The following ATP8B1 variants were observed in gnomAD, a reference collection of about 807,000 sequenced individuals.
ATP8B1 encodes ATPase phospholipid transporting 8B1.
ATP8B1 carries 80 observed loss-of-function variants against 149.9 expected under a neutral mutation model. The ratio of observed to expected loss-of-function variants is 0.53; its 90% CI spans 0.45 to 0.64. The LOEUF (loss-of-function observed/expected upper bound fraction) is 0.64, where lower values mean the gene tolerates loss of function less well. Ranked by LOEUF, ATP8B1 falls within the 30% of genes least tolerant of loss-of-function variation. The pLI, the probability that ATP8B1 is intolerant of heterozygous loss-of-function variation, is 0.00. For synonymous variants in ATP8B1, 536 were observed against 562.8 expected, an observed-to-expected ratio of 0.95 and a Z score of 0.67; for missense variants, 1,247 against 1,552.6, an observed-to-expected ratio of 0.80 and a Z score of 3.31.
At chr18:57,733,633 G>A (rs2079813256) in intron 1 of ATP8B1, among the ~76,000 whole-genome samples, 1 of 148,228 alleles carries the variant, frequency 6.7e-6, no homozygotes, top group Non-Finnish European at 1.5e-5. Context: ...GTGAACCCGG[G>A]AGGCGGAGCT....
intron 12 of ATP8B1, among the ~76,000 whole-genome samples, chr18:57,691,011 T>G (rs1912499696): frequency 6.6e-6 from 1 of 151,804 alleles, no homozygotes; most frequent in Non-Finnish European, 1.5e-5. Context: ...CTGTCTCTAC[T>G]AAAAATACAA....
At position 57,701,156 on chromosome 18, in the gene ATP8B1, C is replaced by G; in HGVS notation, c.493-56G>C. On this transcript the variant is annotated intron_variant, in intron 5 of 27. Transcript: ENST00000648908. ...TAAACATCTCAATAGAGAAGGAAGG[C>G]ACGAGAACTTAAAGTCAACTCAAAG... is the stretch of plus-strand genomic sequence containing the variant. The G allele has an allele frequency of 6.2e-7, 1 of 1,611,640 alleles. No individual in the cohort carries two copies. The highest frequency in any genetic ancestry group is 1.3e-5 in the African/African-American group (1 of 74,936).
chr18:57,739,440 TA>T (rs1255759368), intron 1 of ATP8B1, among the ~76,000 whole-genome samples: 2 of 152,226 alleles, frequency 1.3e-5, no homozygotes, highest in African/African-American at 4.8e-5. Context: ...TCATGATTTG[TA>T]AACATGCATT....
chr18:57,696,356 C>T (rs1321766570), intron 8 of ATP8B1, among the ~76,000 whole-genome samples: 1 of 152,140 alleles, frequency 6.6e-6, no homozygotes, highest in Non-Finnish European at 1.5e-5. Context: ...GAGTTTGAGA[C>T]CAACCTGACA....
intron 1 of ATP8B1, among the ~76,000 whole-genome samples, chr18:57,756,291 G>GTGTATATATATATATATATATATA (rs2080080739): frequency 3.7e-5 from 1 of 27,182 alleles, no homozygotes; most frequent in African/African-American, 2.0e-4. Flanking sequence ...ATATATATGT[G>GTGTATATATATATATATATATATA]TGTGTGTATG....
intron 2 of ATP8B1, among the ~76,000 whole-genome samples, chr18:57,727,102 TAAAAAG>T: frequency 6.6e-6 from 1 of 151,956 alleles, no homozygotes; most frequent in African/African-American, 2.4e-5. Context: ...AACAAATAAA[TAAAAAG>T]AATAAAATAA....
At chr18:57,670,956 G>A (rs1303109104) in intron 17 of ATP8B1, among the ~76,000 whole-genome samples, 3 of 152,006 alleles carry the variant, frequency 2.0e-5, no homozygotes, top group Non-Finnish European at 2.9e-5. Flanking sequence ...TGATACACCC[G>A]CCTTGGCCTC....
chr18:57,723,085 G>A (rs2079664526), intron 2 of ATP8B1, among the ~76,000 whole-genome samples: 1 of 151,520 alleles, frequency 6.6e-6, no homozygotes, highest in Non-Finnish European at 1.5e-5. Context: ...ATTAGGTATT[G>A]ATGGGACGTA....
chr18:57,672,954 C>A (rs1260864324), intron 16 of ATP8B1, among the ~76,000 whole-genome samples: 2 of 28,628 alleles, frequency 7.0e-5, no homozygotes, highest in Non-Finnish European at 1.3e-4. Flanking sequence ...CACATATATA[C>A]ATACATATAT....
intron 22 of ATP8B1, among the ~76,000 whole-genome samples, chr18:57,658,111 A>C (rs1910133876): frequency 6.6e-6 from 1 of 150,612 alleles, no homozygotes; most frequent in African/African-American, 2.4e-5. Flanking sequence ...CAGTGGTGCG[A>C]TCTTGGCTCA....
At chr18:57,678,512 G>A (rs141973205) in intron 15 of ATP8B1, among the ~76,000 whole-genome samples, 226 of 149,562 alleles carry the variant, frequency 1.5e-3, no homozygotes, top group African/African-American at 5.4e-3. Flanking sequence ...GCATAAACCC[G>A]GGAGGCAGAG....
At chr18:57,706,700 A>C in intron 2 of ATP8B1, 113 bp from the exon 3 acceptor site, 2 of 861,618 alleles carry the variant, frequency 2.3e-6, no homozygotes, top group Non-Finnish European at 3.8e-6. Context: ...ATCCCTCAGA[A>C]TGTGACCTTA....
chr18:57,687,626 C>T (rs1257307386), intron 13 of ATP8B1, among the ~76,000 whole-genome samples: 4 of 152,098 alleles, frequency 2.6e-5, no homozygotes, highest in East Asian at 1.9e-4. Context: ...CATTGATGAA[C>T]GCTTGGGTTG....
intron 15 of ATP8B1, among the ~76,000 whole-genome samples, chr18:57,679,181 G>A (rs1911792941): frequency 6.6e-6 from 1 of 151,472 alleles, no homozygotes; most frequent in African/African-American, 2.4e-5. Context: ...AGTGAGCCGA[G>A]ATCGCGCCAC....
chr18:57,780,392 T>C (rs2080346497), intron 1 of ATP8B1, among the ~76,000 whole-genome samples: 1 of 152,244 alleles, frequency 6.6e-6, no homozygotes, highest in South Asian at 2.1e-4. Flanking sequence ...CAAGTCATTA[T>C]GCACAGCTGT....
At chr18:57,751,579 C>G (rs1253794406) in intron 1 of ATP8B1, among the ~76,000 whole-genome samples, 5 of 152,162 alleles carry the variant, frequency 3.3e-5, no homozygotes, top group Non-Finnish European at 7.3e-5. Context: ...AAATGGGGAT[C>G]TACAAGGCTT....
chr18:57,676,393 G>A (rs1911588279), intron 15 of ATP8B1, among the ~76,000 whole-genome samples: 1 of 149,692 alleles, frequency 6.7e-6, no homozygotes, highest in Non-Finnish European at 1.5e-5. Flanking sequence ...CTTTACCATA[G>A]CTATATTCTC....
rs764398507 is a variant in ATP8B1 at position 57,732,133 on chromosome 18, A to ATATATGTATATATGTATATATATG, written c.-25-302_-25-301insCATATATATACATATATACATATA. The ATATATGTATATATGTATATATATG allele has an allele frequency of 1.0e-4, 5 of 48,098 alleles. 2 individuals carry two copies. The South Asian group carries it at 3.3e-3, about 32-fold the overall frequency. The allele number at this position is 48,098 out of a possible 1,614,324, so 3.0% of individuals were successfully genotyped here. On this transcript the variant is annotated intron_variant, in intron 1 of 27. Coordinates refer to ENST00000648908, the MANE Select transcript of ATP8B1 (RefSeq NM_001374385.1). Reference sequence around the variant, plus strand: ...TGTATATATGTATATATATGTGTATATGTATATATGTGTATATATGTATAT... The same window carrying ATATATGTATATATGTATATATATG: ...TGTATATATGTATATATATGTGTATATATATGTATATATGTATATATATGTGTATATATGTGTATATATGTATAT...
At chr18:57,654,840 C>T (rs970925531) in intron 23 of ATP8B1, among the ~76,000 whole-genome samples, 2 of 151,938 alleles carry the variant, frequency 1.3e-5, no homozygotes, top group Non-Finnish European at 2.9e-5. Flanking sequence ...GTGCCTGCCA[C>T]CACACCCGGA....
Sources: allele counts gnomAD v4.1 joint callset (sites outside exome capture counted in the v4.1 genomes callset), GRCh38; gene constraint gnomAD v4.1.1; transcripts MANE v1.5; gene names NCBI Gene and HGNC (gene_info 2026-07-23, HGNC 2026-07-21).